Variants in CALCR observed in about 807,000 individuals in gnomAD.
The protein encoded by CALCR is calcitonin receptor.
Under a neutral mutation model 59.5 loss-of-function variants are expected in CALCR, and 47 were observed. The observed-to-expected ratio is 0.79, with a 90% CI of 0.63 to 1.01. The LOEUF (loss-of-function observed/expected upper bound fraction) is 1.01. CALCR is among the 50% of genes least tolerant of loss of function. The pLI is 0.00. For missense variants in CALCR, 566 were observed against 597.1 expected (o/e 0.95, Z 0.54); for synonymous variants, 213 against 211.3 (o/e 1.01, Z -0.07).
At chr7:93,455,928 T>C (rs1800201129) in intron 8 of CALCR, among the ~76,000 whole-genome samples, 1 of 152,138 alleles carries the variant, frequency 6.6e-6, no homozygotes, top group Non-Finnish European at 1.5e-5. Context: ...GGATGAATAA[T>C]GTATAAAACA....
intron 11 of CALCR, among the ~76,000 whole-genome samples, chr7:93,437,065 T>C (rs1799796429): frequency 6.6e-6 from 1 of 152,020 alleles, no homozygotes; most frequent in African/African-American, 2.4e-5. Flanking sequence ...GTGCATTTCC[T>C]TTAGTCATGA....
chr7:93,511,549 T>C (rs960121973), intron 2 of CALCR, among the ~76,000 whole-genome samples: 5 of 152,060 alleles, frequency 3.3e-5, no homozygotes, highest in African/African-American at 7.2e-5. Flanking sequence ...GTGAGAATCA[T>C]CCACAATAAA....
chr7:93,464,518 G>T (rs1584556644), intron 7 of CALCR, among the ~76,000 whole-genome samples: 2 of 151,944 alleles, frequency 1.3e-5, no homozygotes, highest in African/African-American at 4.8e-5. Flanking sequence ...GAGAGAAAAT[G>T]AAGTAAAATG....
At chr7:93,506,241 A>C (rs1801422531) in intron 2 of CALCR, among the ~76,000 whole-genome samples, 1 of 152,168 alleles carries the variant, frequency 6.6e-6, no homozygotes, top group Non-Finnish European at 1.5e-5. Flanking sequence ...TGGCTTTTAC[A>C]ATATGTCTGA....
chr7:93,504,621 A>G (rs1292490281), intron 2 of CALCR, among the ~76,000 whole-genome samples: 1 of 152,136 alleles, frequency 6.6e-6, no homozygotes, highest in Non-Finnish European at 1.5e-5. Context: ...CGTGTTCAAA[A>G]TGTTCAATAT....
At chr7:93,501,698 T>C (rs1801324778) in intron 2 of CALCR, among the ~76,000 whole-genome samples, 1 of 152,224 alleles carries the variant, frequency 6.6e-6, no homozygotes, top group East Asian at 1.9e-4. Context: ...ACGCATTCAG[T>C]GATAGGAGCT....
intron 13 of CALCR, among the ~76,000 whole-genome samples, chr7:93,432,841 G>T (rs1225851628): frequency 6.6e-6 from 1 of 152,152 alleles, no homozygotes; most frequent in Non-Finnish European, 1.5e-5. Flanking sequence ...TACATTCACA[G>T]AAATTGATAT....
chr7:93,455,352 G>A (rs1232002424), intron 8 of CALCR, among the ~76,000 whole-genome samples: 1 of 151,794 alleles, frequency 6.6e-6, no homozygotes, highest in Non-Finnish European at 1.5e-5. Flanking sequence ...AATATTTGTA[G>A]GTTGACAATG....
chr7:93,508,292 A>G (rs549924129), intron 2 of CALCR, among the ~76,000 whole-genome samples: 2 of 152,364 alleles, frequency 1.3e-5, no homozygotes, highest in African/African-American at 4.8e-5. Flanking sequence ...AGAAAAGGGG[A>G]AAATGAATCA....
chr7:93,480,097 T>C (rs1435469986), intron 3 of CALCR, among the ~76,000 whole-genome samples: 2 of 151,950 alleles, frequency 1.3e-5, no homozygotes, highest in Non-Finnish European at 2.9e-5. Flanking sequence ...TACAGGGCAA[T>C]TCATGTTCAC....
chr7:93,498,318 G>A (rs1327482893), intron 2 of CALCR, among the ~76,000 whole-genome samples: 2 of 151,728 alleles, frequency 1.3e-5, no homozygotes, highest in East Asian at 2.0e-4. Flanking sequence ...CATCTAAGTA[G>A]TTGGTCAGGC....
chr7:93,498,164 T>C (rs1801249957), intron 2 of CALCR, among the ~76,000 whole-genome samples: 1 of 151,666 alleles, frequency 6.6e-6, no homozygotes, highest in African/African-American at 2.4e-5. Flanking sequence ...ACTAGTTTGG[T>C]GGAAGTTTTC....
At chr7:93,569,803 A>T (rs1194625590) in intron 2 of CALCR, among the ~76,000 whole-genome samples, 1 of 152,110 alleles carries the variant, frequency 6.6e-6, no homozygotes, top group Non-Finnish European at 1.5e-5. Flanking sequence ...TTTAAGGATG[A>T]AGGAAGGTAA....
chr7:93,434,678 T>C (rs975903963), intron 12 of CALCR, among the ~76,000 whole-genome samples: 2 of 152,048 alleles, frequency 1.3e-5, no homozygotes, highest in South Asian at 2.1e-4. Flanking sequence ...ACAAGTGTCA[T>C]AGTGGGAGGC....
At chr7:93,556,703 T>G (rs773830915) in intron 2 of CALCR, among the ~76,000 whole-genome samples, 5 of 152,054 alleles carry the variant, frequency 3.3e-5, no homozygotes, top group Non-Finnish European at 4.4e-5. Context: ...TTCTTTTTAC[T>G]TAATATATGA....
intron 2 of CALCR, among the ~76,000 whole-genome samples, chr7:93,566,359 GGT>G (rs1001523844): frequency 2.0e-5 from 3 of 152,110 alleles, no homozygotes; most frequent in African/African-American, 4.8e-5. Context: ...GCTGGAATTT[GGT>G]TATAGGTATA....
At chr7:93,537,731 T>C (rs183186388) in intron 2 of CALCR, among the ~76,000 whole-genome samples, 66 of 150,742 alleles carry the variant, frequency 4.4e-4, no homozygotes, top group African/African-American at 1.3e-3. Context: ...CACACACACA[T>C]ACATACATAC....
chr7:93,431,375 T>A (rs1238918805), intron 13 of CALCR, among the ~76,000 whole-genome samples: 2 of 152,180 alleles, frequency 1.3e-5, no homozygotes, highest in African/African-American at 4.8e-5. Flanking sequence ...GGCTATGGCA[T>A]GTGCTGAAGA....
chr7:93,553,720 T>C (rs1333294661), intron 2 of CALCR, among the ~76,000 whole-genome samples: 1 of 152,176 alleles, frequency 6.6e-6, no homozygotes, highest in African/African-American at 2.4e-5. Flanking sequence ...TGCGAAGTGC[T>C]TTGAAAAGCA....
Sources: allele counts gnomAD v4.1 joint callset (sites outside exome capture counted in the v4.1 genomes callset), GRCh38; gene constraint gnomAD v4.1.1; transcripts MANE v1.5; gene names NCBI Gene and HGNC (gene_info 2026-07-23, HGNC 2026-07-21).